Variants in AFDN observed in about 807,000 individuals in gnomAD.
The protein encoded by AFDN is afadin.
AFDN carries 68 observed loss-of-function variants against 216.6 expected under a neutral mutation model. The ratio of observed to expected loss-of-function variants is 0.31; its 90% CI spans 0.26 to 0.38. The LOEUF (loss-of-function observed/expected upper bound fraction) is 0.38, where lower values mean the gene tolerates loss of function less well. Ranked by LOEUF, AFDN falls within the 10% of genes least tolerant of loss-of-function variation. The pLI is 1.00. For missense variants in AFDN, 2,136 were observed against 2,342.0 expected (o/e 0.91, Z 1.82); for synonymous variants, 868 against 853.7 (o/e 1.02, Z -0.29).
chr6:167,855,575 T>TTAGC (rs2128195031), intron 1 of AFDN, among the ~76,000 whole-genome samples: 1 of 152,208 alleles, frequency 6.6e-6, no homozygotes, highest in African/African-American at 2.4e-5. Flanking sequence ...GATTCCCCCC[T>TTAGC]TAGCTAGCAT....
chr6:167,918,561 TG>T (rs1364263526), intron 20 of AFDN, among the ~76,000 whole-genome samples, 173 bp from the exon 21 acceptor site: 1 of 152,172 alleles, frequency 6.6e-6, no homozygotes, highest in East Asian at 1.9e-4. Context: ...AAACTGATGA[TG>T]GGGGTACTCC....
At chr6:167,911,658 A>G (rs866734620) in intron 15 of AFDN, 169 bp downstream of exon 15, 5 of 629,812 alleles carry the variant, frequency 7.9e-6, no homozygotes, top group Middle Eastern at 7.7e-4. Context: ...TTGAAAGGAA[A>G]TGCAAGCTTT....
chr6:167,902,219 A>G (rs12190320), intron 11 of AFDN, 98 bp from the exon 12 acceptor site: 18,063 of 862,780 alleles, frequency 0.021, 276 homozygotes, highest in Non-Finnish European at 0.026. Flanking sequence ...AAAATCTTTG[A>G]CATTTGGTAT....
At chr6:167,913,149 T>C (rs1790618166) in intron 15 of AFDN, among the ~76,000 whole-genome samples, 1 of 152,228 alleles carries the variant, frequency 6.6e-6, no homozygotes, top group Admixed American at 6.5e-5. Context: ...ACATCATATT[T>C]ATTGATAAAC....
chr6:167,963,490 C>T, intron 31 of AFDN: 2 of 1,054,038 alleles, frequency 1.9e-6, no homozygotes, highest in African/African-American at 3.3e-5. Flanking sequence ...GTACTGTTCA[C>T]AGAAAAGAAC....
intron 23 of AFDN, among the ~76,000 whole-genome samples, chr6:167,925,349 A>G (rs1220433822): frequency 6.6e-6 from 1 of 152,186 alleles, no homozygotes; most frequent in Non-Finnish European, 1.5e-5. Flanking sequence ...GGTGCTCAGA[A>G]GGAAACAATT....
intron 6 of AFDN, among the ~76,000 whole-genome samples, chr6:167,882,473 CTACTA>C (rs1449820415): frequency 1.9e-5 from 2 of 104,322 alleles, no homozygotes; most frequent in Non-Finnish European, 4.0e-5. Context: ...AACCTTGTCT[CTACTA>C]AAACTACAAA....
At chr6:167,887,012 C>CAAAAAAAAAA (rs67970460) in intron 6 of AFDN, among the ~76,000 whole-genome samples, 2 of 90,506 alleles carry the variant, frequency 2.2e-5, no homozygotes. Flanking sequence ...GAGACTGTAT[C>CAAAAAAAAAA]AAAAAAAAAA....
In AFDN at chr6:167,965,982, C is replaced by A. The variant is rs375886860; in HGVS notation, c.5194C>A (p.Leu1732Met). The change falls in exon 32 of 34, where the codon CTG becomes ATG. Residue 1732 changes from leucine (L) to methionine (M), a missense_variant. Transcript: ENST00000683244. The part of the protein sequence containing the change: ...LKTQVLSPDS[L>M]FTAKFVAYNE... ...AACACAGGTCCTCTCCCCCGACTCG[C>A]TGTTCACTGCCAAGTTTGTTGCATA... 1 of 1,551,074 alleles carries A rather than the reference C, an allele frequency of 6.4e-7. No individual in the cohort carries two copies. The highest frequency in any genetic ancestry group is 8.7e-7 in the Non-Finnish European group (1 of 1,146,978).
At chr6:167,834,483 A>G (rs1333395653) in intron 1 of AFDN, among the ~76,000 whole-genome samples, 1 of 87,948 alleles carries the variant, frequency 1.1e-5, no homozygotes, top group Non-Finnish European at 2.2e-5. Context: ...TTTTTTTCGA[A>G]AGGTATAAAA....
At chr6:167,883,014 G>C (rs1347382839) in intron 6 of AFDN, among the ~76,000 whole-genome samples, 2 of 151,946 alleles carry the variant, frequency 1.3e-5, no homozygotes, top group Non-Finnish European at 2.9e-5. Flanking sequence ...ATGGAATAAA[G>C]ACATTTCAAA....
rs567563275 is a variant in AFDN, at chr6:167,889,559, G to C, written c.1009+233G>C. ...AGCGATTCTCCTGCCTCAGCCTCCCGAATAGCTGGGATTACAGGCTCCGCC... is the reference window on the plus strand; with the variant it reads ...AGCGATTCTCCTGCCTCAGCCTCCCCAATAGCTGGGATTACAGGCTCCGCC... On this transcript the variant is annotated intron_variant, in intron 7 of 33. Coordinates refer to ENST00000683244, the MANE Select transcript of AFDN (RefSeq NM_001386888.1). Among the ~76,000 whole-genome samples, 5 of 134,400 alleles carry C rather than the reference G, an allele frequency of 3.7e-5. No homozygotes were observed. The South Asian group carries it at 1.0e-3, about 27-fold the overall frequency. The allele number at this position is 134,400 out of a possible 152,430, so 88.2% of individuals were successfully genotyped here. A position where few individuals can be genotyped will look rare whatever the true frequency, so the allele number is the denominator to read the frequency against.
chr6:167,885,055 C>T (rs1489241473), intron 6 of AFDN, among the ~76,000 whole-genome samples: 3 of 152,200 alleles, frequency 2.0e-5, no homozygotes, highest in African/African-American at 4.8e-5. Flanking sequence ...CCTCACAAAT[C>T]AACCTCTGCT....
chr6:167,949,915 A>C (rs1795766257), intron 29 of AFDN, among the ~76,000 whole-genome samples: 1 of 152,166 alleles, frequency 6.6e-6, no homozygotes, highest in African/African-American at 2.4e-5. Context: ...CAGAGTGTGG[A>C]ATGAAAAGTT....
chr6:167,959,091 A>C (rs1300430330), intron 30 of AFDN, among the ~76,000 whole-genome samples: 1 of 152,270 alleles, frequency 6.6e-6, no homozygotes, highest in East Asian at 1.9e-4. Context: ...AAAGAACTTC[A>C]AGTTTCTGTT....
chr6:167,947,660 T>C (rs1167943296), intron 27 of AFDN, among the ~76,000 whole-genome samples, 193 bp from the exon 28 acceptor site: 2 of 152,110 alleles, frequency 1.3e-5, no homozygotes, highest in Non-Finnish European at 2.9e-5. Context: ...AGCTCTGGGC[T>C]CTGATTATTT....
At chr6:167,864,471 C>A in intron 1 of AFDN, 80 bp from the exon 2 acceptor site, 1 of 1,311,398 alleles carries the variant, frequency 7.6e-7, no homozygotes, top group Non-Finnish European at 1.1e-6. Flanking sequence ...AGTGAACAGA[C>A]TTCCTCATTT....
intron 4 of AFDN, 59 bp from the exon 5 acceptor site, chr6:167,875,276 G>A (rs1320350593): frequency 6.5e-7 from 1 of 1,534,558 alleles, no homozygotes; most frequent in Non-Finnish European, 8.9e-7. Context: ...GTTGCAATGT[G>A]TCTATTTCTA....
chr6:167,835,707 C>T (rs181129681), intron 1 of AFDN, among the ~76,000 whole-genome samples: 39 of 152,310 alleles, frequency 2.6e-4, no homozygotes, highest in Admixed American at 1.6e-3. Flanking sequence ...CTCATCATTG[C>T]TTTGACCATT....
Sources: allele counts gnomAD v4.1 joint callset (sites outside exome capture counted in the v4.1 genomes callset), GRCh38; gene constraint gnomAD v4.1.1; transcripts MANE v1.5; gene names NCBI Gene and HGNC (gene_info 2026-07-23, HGNC 2026-07-21).